SYNE1: variants seen among roughly 807,000 people sequenced by gnomAD.
SYNE1 encodes the protein nesprin-1.
In SYNE1, 616 loss-of-function variants were observed where a neutral mutation model predicts 1,111.0. The observed-to-expected ratio is 0.55, with a 90% CI of 0.52 to 0.59. The LOEUF is 0.59. Among genes scored for constraint, SYNE1 ranks in the 20% least tolerant of loss-of-function variants. SYNE1 has a pLI of 0.00. For missense variants in SYNE1, 10,006 were observed against 10,417.0 expected (o/e 0.96, Z 1.72); for synonymous variants, 3,855 against 3,825.8 (o/e 1.01, Z -0.28).
At position 152,133,437 on chromosome 6, in the gene SYNE1, C is replaced by G. The variant is rs756313747; in HGVS notation, c.25840G>C (p.Asp8614His). 2 of 1,614,204 alleles carry G rather than the reference C, an allele frequency of 1.2e-6. No homozygotes were observed. Among genetic ancestry groups the G allele is most frequent in the Admixed American group, 1.7e-5 (1 of 60,034 alleles). Residue 8614 changes from aspartate (D) to histidine (H), a missense_variant, in exon 143 of 146, where the codon GAC (aspartate) becomes CAC (histidine). Physicochemically the swap from Asp to His is moderately conservative, Grantham distance 81. This residue lies in a region of SYNE1 where 761 missense variants were observed against 795.5 expected (regional missense o/e 0.96). Transcript: ENST00000367255. Reference protein sequence around the residue: ...ESQLRVASLQDMSCQLLVNAE... With the variant: ...ESQLRVASLQHMSCQLLVNAE... ...TTCACCAGTAGTTGGCAAGACATGT[C>G]TTGCAAAGAGGCTACTCTGAGTTGG...
intron 3 of SYNE1, among the ~76,000 whole-genome samples, chr6:152,581,122 T>C (rs899885286): frequency 3.3e-5 from 5 of 152,228 alleles, no homozygotes; most frequent in Admixed American, 2.6e-4. Flanking sequence ...TACTGATGTG[T>C]GCAAAGACCT....
chr6:152,407,993 C>T (rs1049245995), intron 44 of SYNE1, among the ~76,000 whole-genome samples: 4 of 152,010 alleles, frequency 2.6e-5, no homozygotes, highest in East Asian at 1.9e-4. Flanking sequence ...GAACTCCTGA[C>T]CTGAAGTGAT....
Position 152,430,456 on chromosome 6 carries a change from T to G in SYNE1, c.4689+26A>C, listed in dbSNP as rs779131903. 5 of 1,584,854 alleles carry G rather than the reference T, an allele frequency of 3.2e-6. No individual in the cohort carries two copies. In the Admixed American group the frequency reaches 8.3e-5, roughly 26 times the overall value. On this transcript the variant is annotated intron_variant, in intron 35 of 145. Transcript: ENST00000367255. ...CAAATACAATGTGAAATATGTAAAC[T>G]TAAGTATAGGTGGATCAATTCTTAC...
intron 3 of SYNE1, among the ~76,000 whole-genome samples, chr6:152,578,617 A>G (rs2099509322): frequency 6.6e-6 from 1 of 152,102 alleles, no homozygotes; most frequent in Non-Finnish European, 1.5e-5. Context: ...AAAAAACAAA[A>G]ATAAAAACAA....
intron 41 of SYNE1, among the ~76,000 whole-genome samples, chr6:152,414,532 G>C (rs1297760179): frequency 6.6e-6 from 1 of 152,196 alleles, no homozygotes; most frequent in African/African-American, 2.4e-5. Context: ...CCTAAAAGAT[G>C]GTGGCTGGGG....
intron 116 of SYNE1, 104 bp from the exon 117 acceptor site, chr6:152,224,768 G>A: frequency 8.4e-7 from 1 of 1,194,324 alleles, no homozygotes; most frequent in South Asian, 1.3e-5. Context: ...CTTCATCAGG[G>A]TTTCAGGTAT....
chr6:152,217,453 G>A lies in SYNE1; in HGVS notation c.22191+804C>T, dbSNP rs530681799. ...TATTTTTGATGGACAAATTATAATCGTATATATTTATGGAGTATGATATGA... is the reference window on the plus strand; with the variant it reads ...TATTTTTGATGGACAAATTATAATCATATATATTTATGGAGTATGATATGA... On this transcript the variant is annotated intron_variant, in intron 121 of 145. Transcript: ENST00000367255. 9.9e-5 allele frequency among the ~76,000 whole-genome samples: 15 copies of A among 151,256 alleles called. No individual in the cohort carries two copies. The East Asian group carries it at 2.5e-3, about 25-fold the overall frequency.
chr6:152,426,580 A>G (rs2098359444), intron 38 of SYNE1, among the ~76,000 whole-genome samples: 1 of 152,260 alleles, frequency 6.6e-6, no homozygotes, highest in Admixed American at 6.5e-5. Context: ...TTACATGCCC[A>G]TGTAGCCTTG....
intron 42 of SYNE1, among the ~76,000 whole-genome samples, chr6:152,412,443 G>C (rs1478129606): frequency 6.7e-6 from 1 of 149,512 alleles, no homozygotes; most frequent in Non-Finnish European, 1.5e-5. Context: ...AAAAAAAAAT[G>C]AATCAGCTAT....
chr6:152,286,890 C>A (rs1429923501), intron 95 of SYNE1, among the ~76,000 whole-genome samples: 1 of 152,206 alleles, frequency 6.6e-6, no homozygotes, highest in Non-Finnish European at 1.5e-5. Context: ...TATAGGAAAT[C>A]TTTTGCCTAA....
chr6:152,213,375 C>T (rs558049974), intron 123 of SYNE1, among the ~76,000 whole-genome samples: 2 of 152,278 alleles, frequency 1.3e-5, no homozygotes, highest in Admixed American at 6.5e-5. Context: ...TGGCATTATA[C>T]TTTACAAGGA....
chr6:152,625,164 A>G (rs1295414276), intron 3 of SYNE1, among the ~76,000 whole-genome samples: 1 of 152,196 alleles, frequency 6.6e-6, no homozygotes, highest in East Asian at 1.9e-4. Context: ...TTATCTGGGC[A>G]ATAATACCAG....
intron 49 of SYNE1, 145 bp from the exon 50 acceptor site, chr6:152,397,125 C>G: frequency 1.3e-6 from 1 of 780,688 alleles, no homozygotes; most frequent in Non-Finnish European, 2.2e-6. Flanking sequence ...CAATTGGGCA[C>G]AACCAAGGCT....
chr6:152,133,007 AAAT>A (rs985115845), intron 143 of SYNE1, among the ~76,000 whole-genome samples: 1 of 152,176 alleles, frequency 6.6e-6, no homozygotes, highest in Non-Finnish European at 1.5e-5. Context: ...AAACAGGGTG[AAAT>A]AAAATGCCAC....
chr6:152,530,187 TAA>T (rs1013539797), intron 4 of SYNE1, among the ~76,000 whole-genome samples: 7 of 152,214 alleles, frequency 4.6e-5, no homozygotes, highest in Non-Finnish European at 1.0e-4. Flanking sequence ...CCTGCTGAGT[TAA>T]GTCTGTCTTG....
At chr6:152,310,211 G>A (rs1358835363) in intron 89 of SYNE1, among the ~76,000 whole-genome samples, 185 bp downstream of exon 89, 1 of 152,022 alleles carries the variant, frequency 6.6e-6, no homozygotes, top group African/African-American at 2.4e-5. Context: ...AGAGGCTGAG[G>A]TGGGTGGACC....
chr6:152,215,168 T>C, intron 121 of SYNE1, 108 bp from the exon 122 acceptor site: 1 of 1,273,328 alleles, frequency 7.9e-7, no homozygotes, highest in Non-Finnish European at 1.1e-6. Flanking sequence ...GTCTTCGGTC[T>C]AGTGGCCTCT....
At chr6:152,468,337 A>G (rs973144947) in intron 16 of SYNE1, among the ~76,000 whole-genome samples, 5 of 152,202 alleles carry the variant, frequency 3.3e-5, no homozygotes, top group African/African-American at 1.2e-4. Context: ...GCATTCACAC[A>G]GTCCACAATT....
chr6:152,415,498 TCTC>T (rs1464145812), intron 41 of SYNE1, among the ~76,000 whole-genome samples: 1 of 151,998 alleles, frequency 6.6e-6, no homozygotes, highest in Non-Finnish European at 1.5e-5. Flanking sequence ...ACATCTGCCC[TCTC>T]CTCTGAACTA....
Sources: allele counts gnomAD v4.1 joint callset (sites outside exome capture counted in the v4.1 genomes callset), GRCh38; gene constraint gnomAD v4.1.1; regional missense constraint gnomAD v4.1.1; transcripts MANE v1.5; gene names NCBI Gene and HGNC (gene_info 2026-07-23, HGNC 2026-07-21).